NBEA: variants seen among roughly 807,000 people sequenced by gnomAD.
The protein encoded by NBEA is neurobeachin, also known as lysosomal-trafficking regulator 2.
In NBEA, 44 loss-of-function variants were observed where a neutral mutation model predicts 343.4. The ratio of observed to expected loss-of-function variants is 0.13; its 90% CI spans 0.10 to 0.16. The LOEUF is 0.16. NBEA is among the 10% of genes least tolerant of loss of function. NBEA has a pLI of 1.00. For synonymous variants in NBEA, 1,175 were observed against 1,238.7 expected (o/e 0.95, Z 1.08); for missense variants, 2,555 against 3,631.3 (o/e 0.70, Z 7.62).
In NBEA at chr13:35,478,550, CCCTCTTACTTT is replaced by C. The variant is rs1190851769; in HGVS notation, c.6585+6020_6585+6030del. On this transcript the variant is annotated intron_variant, in intron 41 of 58. Transcript: ENST00000379939. The stretch of plus-strand genomic sequence containing the variant: ...TCTCTCGCTGCTCCGCATTCCCGTG[CCCTCTTACTTT>C]CCTCTCTGGGCTCAAGATCGCTACG... 5.3e-5 allele frequency among the ~76,000 whole-genome samples: 8 copies of C among 152,360 alleles called. No individual in the cohort carries two copies. The South Asian group carries it at 1.5e-3, about 28-fold the overall frequency.
intron 34 of NBEA, among the ~76,000 whole-genome samples, chr13:35,238,326 G>A (rs1368595790): frequency 6.6e-6 from 1 of 152,132 alleles, no homozygotes; most frequent in African/African-American, 2.4e-5. Context: ...AGGCAGCCTG[G>A]AAATGGGAGA....
intron 35 of NBEA, among the ~76,000 whole-genome samples, chr13:35,302,310 C>T (rs1032521024): frequency 1.3e-5 from 2 of 152,110 alleles, no homozygotes; most frequent in African/African-American, 2.4e-5. Context: ...ATTGAATAAA[C>T]AAAAACTTTA....
intron 38 of NBEA, among the ~76,000 whole-genome samples, chr13:35,427,695 T>C (rs1354037509): frequency 6.6e-6 from 1 of 152,210 alleles, no homozygotes; most frequent in Non-Finnish European, 1.5e-5. Flanking sequence ...CAGAGGTTAC[T>C]GCTGTCTTTT....
chr13:35,304,308 A>G lies in NBEA; in HGVS notation c.5839-5220A>G, dbSNP rs116391083. Among the ~76,000 whole-genome samples the G allele has an allele frequency of 7.2e-3, 1,096 of 151,588 alleles. 17 individuals carry two copies. Among genetic ancestry groups the G allele is most frequent in the African/African-American group, 0.025 (1,049 of 41,268 alleles). The stretch of plus-strand genomic sequence containing the variant: ...GTCATTGAACAAATTCAGGAATTAC[A>G]TTGCCTTGACAAAAGCAATTCTCTG... On this transcript the variant is annotated intron_variant, in intron 35 of 58. Coordinates refer to ENST00000379939, the MANE Select transcript of NBEA (RefSeq NM_001385012.1).
intron 55 of NBEA, among the ~76,000 whole-genome samples, chr13:35,658,406 T>C (rs1223527122): frequency 6.6e-6 from 1 of 152,202 alleles, no homozygotes; most frequent in Non-Finnish European, 1.5e-5. Context: ...AAAAGTGCTC[T>C]TCTAGAATAA....
chr13:35,646,120 C>A, intron 50 of NBEA, 139 bp from the exon 51 acceptor site: 2 of 735,292 alleles, frequency 2.7e-6, no homozygotes, highest in Admixed American at 2.5e-5. Context: ...TGATTCTGCA[C>A]CCTGAGAAAA....
At chr13:35,240,361 A>G (rs895046251) in intron 34 of NBEA, among the ~76,000 whole-genome samples, 54 of 152,036 alleles carry the variant, frequency 3.6e-4, no homozygotes, top group African/African-American at 1.3e-3. Context: ...AGCACCCTTT[A>G]AGAATTTAAT....
intron 28 of NBEA, among the ~76,000 whole-genome samples, 197 bp downstream of exon 28, chr13:35,177,300 A>T (rs1054141650): frequency 4.0e-5 from 6 of 151,888 alleles, no homozygotes; most frequent in Non-Finnish European, 5.9e-5. Context: ...CTTTTAAAAA[A>T]TGGTCTGAAA....
intron 47 of NBEA, 91 bp downstream of exon 47, chr13:35,593,538 T>C (rs928981476): frequency 2.3e-6 from 2 of 880,914 alleles, no homozygotes; most frequent in African/African-American, 3.5e-5. Context: ...ACATTTTATA[T>C]TGCAGCTTTG....
At chr13:35,565,169 A>G (rs913833217) in intron 44 of NBEA, among the ~76,000 whole-genome samples, 43 of 152,222 alleles carry the variant, frequency 2.8e-4, no homozygotes, top group African/African-American at 4.3e-4. Flanking sequence ...TTCTGCTGCC[A>G]TTACCCACAC....
chr13:35,566,317 C>T (rs775889766), intron 44 of NBEA, among the ~76,000 whole-genome samples: 21 of 152,130 alleles, frequency 1.4e-4, no homozygotes, highest in Non-Finnish European at 2.5e-4. Flanking sequence ...GCCAAGATCG[C>T]GCCATTGCAC....
intron 36 of NBEA, among the ~76,000 whole-genome samples, chr13:35,327,992 C>T (rs2038686073): frequency 6.6e-6 from 1 of 151,790 alleles, no homozygotes; most frequent in Admixed American, 6.6e-5. Flanking sequence ...ATATAGCTAA[C>T]ATTTTAATGC....
At chr13:35,186,172 C>T (rs578131189) in intron 30 of NBEA, among the ~76,000 whole-genome samples, 1 of 152,104 alleles carries the variant, frequency 6.6e-6, no homozygotes, top group African/African-American at 2.4e-5. Context: ...GGCATGGTGG[C>T]ATGTGCCTGT....
intron 40 of NBEA, among the ~76,000 whole-genome samples, chr13:35,457,185 A>T (rs2152949710): frequency 6.6e-6 from 1 of 152,108 alleles, no homozygotes; most frequent in South Asian, 2.1e-4. Flanking sequence ...TTTAAGACCC[A>T]TTTAAAACAC....
At chr13:35,073,100 A>G (rs1474437031) in intron 10 of NBEA, among the ~76,000 whole-genome samples, 1 of 152,174 alleles carries the variant, frequency 6.6e-6, no homozygotes, top group Non-Finnish European at 1.5e-5. Context: ...GGGAACCATT[A>G]TAGAAAAGTA....
intron 36 of NBEA, among the ~76,000 whole-genome samples, chr13:35,327,469 C>T (rs1257723760): frequency 6.6e-6 from 1 of 152,020 alleles, no homozygotes; most frequent in Non-Finnish European, 1.5e-5. Flanking sequence ...AAATCACGTT[C>T]TTTGCAGCAA....
At chr13:35,128,415 A>T (rs908606769) in intron 17 of NBEA, among the ~76,000 whole-genome samples, 35 of 152,136 alleles carry the variant, frequency 2.3e-4, no homozygotes, top group African/African-American at 8.4e-4. Flanking sequence ...AGACTTCAGA[A>T]CGAACTTTAA....
At chr13:35,226,539 A>G (rs2074662359) in intron 33 of NBEA, among the ~76,000 whole-genome samples, 1 of 152,160 alleles carries the variant, frequency 6.6e-6, no homozygotes, top group African/African-American at 2.4e-5. Flanking sequence ...TTAAGATACA[A>G]TTAGCCTTAC....
intron 38 of NBEA, among the ~76,000 whole-genome samples, chr13:35,421,223 G>A (rs1004794280): frequency 4.6e-5 from 7 of 151,514 alleles, no homozygotes; most frequent in South Asian, 2.1e-4. Context: ...GTTTTCCCTC[G>A]AGAATTCTTT....
Sources: allele counts gnomAD v4.1 joint callset (sites outside exome capture counted in the v4.1 genomes callset), GRCh38; gene constraint gnomAD v4.1.1; transcripts MANE v1.5; gene names NCBI Gene and HGNC (gene_info 2026-07-23, HGNC 2026-07-21).